FRY: variants seen among roughly 807,000 people sequenced by gnomAD.
FRY encodes the protein protein furry homolog.
Under a neutral mutation model 348.4 loss-of-function variants are expected in FRY, and 128 were observed. The ratio of observed to expected loss-of-function variants is 0.37; its 90% CI spans 0.32 to 0.43. The LOEUF is 0.43. Among genes scored for constraint, FRY ranks in the 20% least tolerant of loss-of-function variants. The pLI is 1.00. For synonymous variants in FRY, 1,370 were observed against 1,374.7 expected (o/e 1.00, Z 0.08); for missense variants, 2,736 against 3,695.2 (o/e 0.74, Z 6.73).
In FRY at chr13:32,298,513, A is replaced by G. The variant is rs571563580; in HGVS notation, c.*3053A>G. 4.6e-5 allele frequency: 7 copies of G among 152,356 alleles called. No individual in the cohort carries two copies. In the South Asian group the frequency reaches 1.2e-3, roughly 27 times the overall value. The allele number at this position is 152,356 out of a possible 1,614,324, so 9.4% of individuals were successfully genotyped here. A position where few individuals can be genotyped will look rare whatever the true frequency, so the allele number is the denominator to read the frequency against. Reference sequence around the variant, plus strand: ...CACTGTTTTAGAGGACACCGCAGCTATCAAGGCAGATGTGGTCCCTGTTCC... The same window carrying G: ...CACTGTTTTAGAGGACACCGCAGCTGTCAAGGCAGATGTGGTCCCTGTTCC... On this transcript the variant is annotated 3_prime_UTR_variant, in exon 61 of 61. Coordinates refer to ENST00000542859, the MANE Select transcript of FRY (RefSeq NM_023037.3).
Position 32,209,648 on chromosome 13 carries a change from A to C in FRY, c.4339A>C (p.Lys1447Gln). ...NAWNALANNE[K>Q]WSNNLRITLQ... Reference sequence around the variant, plus strand: ...TTGGAATGCTTTAGCCAACAATGAGAAATGGAGCAACAACCTGAGGATCAC... The same window carrying C: ...TTGGAATGCTTTAGCCAACAATGAGCAATGGAGCAACAACCTGAGGATCAC... The change falls in exon 33 of 61, where the codon AAA becomes CAA. Residue 1447 changes from lysine to glutamine, a missense_variant. Lys to Gln is a moderately conservative substitution (Grantham distance 53). This residue lies in a region of FRY where 794 missense variants were observed against 977.0 expected (regional missense o/e 0.81). Transcript: ENST00000542859. 6.2e-7 allele frequency: 1 copy of C among 1,614,056 alleles called. No homozygotes were observed. The highest frequency in any genetic ancestry group is 2.2e-5 in the East Asian group (1 of 44,880).
rs2072052901 is a variant in FRY, at chr13:32,295,835, CAAA to C, written c.*379_*381del. On this transcript the variant is annotated 3_prime_UTR_variant, in exon 61 of 61. Coordinates refer to ENST00000542859, the MANE Select transcript of FRY (RefSeq NM_023037.3). ...GCAAAAGTGCAATGTTTTCTTCACT[CAAA>C]AAATTTTATATTCTCAAACATGTAT... 9.0e-6 allele frequency: 2 copies of C among 222,202 alleles called. No individual in the cohort carries two copies. The highest frequency in any genetic ancestry group is 1.8e-5 in the Non-Finnish European group (2 of 111,202). The allele number at this position is 222,202 out of a possible 1,614,324, so 13.8% of individuals were successfully genotyped here. A position where few individuals can be genotyped will look rare whatever the true frequency, so the allele number is the denominator to read the frequency against.
At chr13:32,103,294 G>A (rs1453506101) in intron 3 of FRY, among the ~76,000 whole-genome samples, 5 of 152,228 alleles carry the variant, frequency 3.3e-5, no homozygotes, top group Admixed American at 1.3e-4. Context: ...TGCTGAGGTG[G>A]TCAGAGACCC....
intron 42 of FRY, among the ~76,000 whole-genome samples, chr13:32,235,546 C>T (rs986815119): frequency 2.0e-5 from 3 of 152,326 alleles, no homozygotes; most frequent in Non-Finnish European, 2.9e-5. Flanking sequence ...ATCACTTGAA[C>T]CCAGGAGGCA....
chr13:32,124,235 C>A, intron 4 of FRY, 51 bp from the exon 5 acceptor site: 1 of 1,088,792 alleles, frequency 9.2e-7, no homozygotes, highest in Non-Finnish European at 1.4e-6. Flanking sequence ...AATTGTATTA[C>A]TCTGAGAATA....
intron 59 of FRY, among the ~76,000 whole-genome samples, chr13:32,292,594 T>C (rs1014469039): frequency 2.4e-4 from 37 of 151,654 alleles, no homozygotes; most frequent in Middle Eastern, 3.4e-3. Context: ...GAGATTGAGA[T>C]CATCTTGGCC....
intron 1 of FRY, among the ~76,000 whole-genome samples, chr13:32,033,896 C>T (rs1872371795): frequency 6.6e-6 from 1 of 152,222 alleles, no homozygotes; most frequent in African/African-American, 2.4e-5. Context: ...GCATAGTTCT[C>T]ATTGCTAAGT....
chr13:32,273,003 C>CA (rs1421636672), intron 55 of FRY, among the ~76,000 whole-genome samples: 1 of 151,874 alleles, frequency 6.6e-6, no homozygotes, highest in Non-Finnish European at 1.5e-5. Flanking sequence ...CTCGGCCTCC[C>CA]AAAAAAGTGT....
chr13:32,092,827 C>T (rs1011998843), intron 2 of FRY, among the ~76,000 whole-genome samples: 6 of 152,004 alleles, frequency 3.9e-5, no homozygotes, highest in African/African-American at 1.5e-4. Flanking sequence ...AACAGTGGTC[C>T]GTTTTATAGC....
At chr13:32,208,704 T>G in intron 31 of FRY, 149 bp from the exon 32 acceptor site, 1 of 913,564 alleles carries the variant, frequency 1.1e-6, no homozygotes. Context: ...AGCCTTGGTT[T>G]TATCATTCTG....
chr13:32,116,221 T>C (rs959084562), intron 3 of FRY, among the ~76,000 whole-genome samples: 1 of 152,162 alleles, frequency 6.6e-6, no homozygotes, highest in Non-Finnish European at 1.5e-5. Context: ...TCCAGAGATG[T>C]TATGCCTGTT....
In FRY at chr13:32,134,982, G is replaced by A; in HGVS notation, c.964G>A (p.Val322Ile). The change falls in exon 9 of 61, where the codon GTT becomes ATT. Residue 322 changes from valine to isoleucine, a missense_variant. Around this residue, in one of 9 missense-constraint regions of FRY, gnomAD observed 309 missense variants for 418.1 expected, o/e 0.74. Transcript: ENST00000542859. ...GGCTGGGCTTTTTGTTGAAATACTT[G>A]TTCCAGTTGCTGCTGTGAGTTTCAT... Reference protein sequence around the residue: ...ALAGLFVEILVPVAAAVKNEV... With the variant: ...ALAGLFVEILIPVAAAVKNEV... 1 of 1,610,826 alleles carries A rather than the reference G, an allele frequency of 6.2e-7. No individual in the cohort carries two copies. Among genetic ancestry groups the A allele is most frequent in the Non-Finnish European group, 8.5e-7 (1 of 1,177,028 alleles).
chr13:32,275,755 G>A (rs538974598), intron 56 of FRY, among the ~76,000 whole-genome samples: 1 of 152,302 alleles, frequency 6.6e-6, no homozygotes, highest in African/African-American at 2.4e-5. Context: ...AGCTCAAACT[G>A]CAAATGATGA....
intron 58 of FRY, among the ~76,000 whole-genome samples, chr13:32,289,108 CT>C (rs1420597913): frequency 6.6e-6 from 1 of 152,036 alleles, no homozygotes; most frequent in Non-Finnish European, 1.5e-5. Context: ...TTTTTGGTCC[CT>C]TTTTATCTCT....
At chr13:32,294,712 A>G in intron 60 of FRY, 142 bp downstream of exon 60, 1 of 714,954 alleles carries the variant, frequency 1.4e-6, no homozygotes, top group Non-Finnish European at 2.5e-6. Context: ...CCAAACCAGA[A>G]ACACTCAGCT....
chr13:32,057,493 A>G (rs1448847887), intron 1 of FRY, among the ~76,000 whole-genome samples: 2 of 152,088 alleles, frequency 1.3e-5, no homozygotes, highest in African/African-American at 2.4e-5. Flanking sequence ...ATTTAGTGAG[A>G]GTAGTTGTAT....
At chr13:32,252,238 G>T (rs1887120960) in intron 50 of FRY, among the ~76,000 whole-genome samples, 2 of 151,696 alleles carry the variant, frequency 1.3e-5, no homozygotes, top group African/African-American at 4.8e-5. Context: ...AATATGCCCA[G>T]AATGTCTTAC....
At chr13:32,110,333 C>T (rs1877875199) in intron 3 of FRY, among the ~76,000 whole-genome samples, 1 of 152,050 alleles carries the variant, frequency 6.6e-6, no homozygotes, top group African/African-American at 2.4e-5. Flanking sequence ...TGGTTTTCTT[C>T]GTTGTACAGA....
At chr13:32,114,915 G>A (rs776382390) in intron 3 of FRY, among the ~76,000 whole-genome samples, 11 of 152,200 alleles carry the variant, frequency 7.2e-5, no homozygotes, top group Non-Finnish European at 1.6e-4. Context: ...TGTCTTGGCT[G>A]TGGATTTCAC....
Sources: gnomAD v4.1 joint callset for allele counts (sites outside exome capture counted in the v4.1 genomes callset) on GRCh38, gnomAD v4.1.1 for gene constraint, gnomAD v4.1.1 regional missense constraint, MANE v1.5 for transcripts, NCBI Gene and HGNC (gene_info 2026-07-23, HGNC 2026-07-21) for gene names.